The following PKD1L1 variants were observed in gnomAD, a reference collection of about 807,000 sequenced individuals.
PKD1L1 encodes polycystin-1-like protein 1.
PKD1L1 carries 236 observed loss-of-function variants against 323.4 expected under a neutral mutation model. The observed-to-expected ratio is 0.73, with a 90% CI of 0.66 to 0.81. The LOEUF is 0.81. Among genes scored for constraint, PKD1L1 ranks in the 40% least tolerant of loss-of-function variants. The pLI, the probability that PKD1L1 is intolerant of heterozygous loss-of-function variation, is 0.00. For missense variants in PKD1L1, 3,320 were observed against 3,508.0 expected, an observed-to-expected ratio of 0.95 and a Z score of 1.35; for synonymous variants, 1,344 against 1,335.0, an observed-to-expected ratio of 1.01 and a Z score of -0.15.
intron 56 of PKD1L1, among the ~76,000 whole-genome samples, chr7:47,788,875 G>C (rs1786875844): frequency 6.6e-6 from 1 of 152,034 alleles, no homozygotes; most frequent in African/African-American, 2.4e-5. Flanking sequence ...GGGATTTCAG[G>C]TGTAAGCCAC....
At chr7:47,880,686 A>ACTC in intron 21 of PKD1L1, 42 bp downstream of exon 21, 1 of 1,487,388 alleles carries the variant, frequency 6.7e-7, no homozygotes, top group South Asian at 1.2e-5. Flanking sequence ...ACGCAGCAGG[A>ACTC]CTCCTCATCC....
At chr7:47,814,134 G>A (rs2128730333) in intron 47 of PKD1L1, 120 bp from the exon 48 acceptor site, 2 of 710,644 alleles carry the variant, frequency 2.8e-6, no homozygotes, top group East Asian at 5.3e-5. Flanking sequence ...AGAGGTCAGA[G>A]TTTTATTTTC....
intron 56 of PKD1L1, among the ~76,000 whole-genome samples, chr7:47,787,609 A>G (rs1786837944): frequency 6.6e-6 from 1 of 152,224 alleles, no homozygotes; most frequent in African/African-American, 2.4e-5. Flanking sequence ...TTATAAATTT[A>G]AAGTTCTTGC....
intron 34 of PKD1L1, among the ~76,000 whole-genome samples, chr7:47,842,403 T>C (rs997916044): frequency 2.0e-5 from 3 of 151,904 alleles, no homozygotes; most frequent in Non-Finnish European, 4.4e-5. Context: ...GAAGCGTGAG[T>C]TCCAAGGGCA....
At chr7:47,796,441 T>C (rs1017645389) in intron 54 of PKD1L1, among the ~76,000 whole-genome samples, 1 of 152,186 alleles carries the variant, frequency 6.6e-6, no homozygotes, top group Non-Finnish European at 1.5e-5. Flanking sequence ...TGCATGCCCA[T>C]ATGTAAAGTC....
At chr7:47,883,161 A>G (rs542925355) in intron 19 of PKD1L1, among the ~76,000 whole-genome samples, 1 of 152,350 alleles carries the variant, frequency 6.6e-6, no homozygotes, top group Admixed American at 6.5e-5. Flanking sequence ...TACTGTAAAG[A>G]CTTTTAAATG....
At chr7:47,882,216 C>T in intron 19 of PKD1L1, 131 bp from the exon 20 acceptor site, 1 of 960,604 alleles carries the variant, frequency 1.0e-6, no homozygotes, top group Non-Finnish European at 1.6e-6. Context: ...AATATAATGT[C>T]TTCAGCAGCC....
At chr7:47,858,497 A>G (rs903687776) in intron 27 of PKD1L1, among the ~76,000 whole-genome samples, 176 bp downstream of exon 27, 3 of 152,228 alleles carry the variant, frequency 2.0e-5, no homozygotes, top group Non-Finnish European at 4.4e-5. Flanking sequence ...TATTACCATG[A>G]AATACTTAAA....
chr7:47,804,300 A>G (rs1042516174), intron 52 of PKD1L1, among the ~76,000 whole-genome samples: 1 of 152,198 alleles, frequency 6.6e-6, no homozygotes, highest in African/African-American at 2.4e-5. Context: ...AATGCAATGC[A>G]AGCTATGGGT....
At chr7:47,794,508 G>T (rs1787028285) in intron 55 of PKD1L1, among the ~76,000 whole-genome samples, 1 of 152,212 alleles carries the variant, frequency 6.6e-6, no homozygotes, top group African/African-American at 2.4e-5. Flanking sequence ...CCTCAGCCTA[G>T]ATTTCAGAAG....
chr7:47,925,142 G>GA (rs943476261), intron 7 of PKD1L1, among the ~76,000 whole-genome samples: 1 of 151,930 alleles, frequency 6.6e-6, no homozygotes, highest in Non-Finnish European at 1.5e-5. Context: ...AAAAAAAAGG[G>GA]AAAAAATATC....
chr7:47,840,669 T>C lies in PKD1L1; in HGVS notation c.5446-102A>G. On this transcript the variant is annotated intron_variant, in intron 34 of 56. Coordinates refer to ENST00000289672, the MANE Select transcript of PKD1L1 (RefSeq NM_138295.5). The surrounding 1 kb of genome is among the most constrained non-coding windows in gnomAD (Gnocchi z 4.1). Reference sequence around the variant, plus strand: ...GCACTTTCTCCCAGCGTCCCACCCTTCCTCAAAACCATCTGCACGGTGGAG... The same window carrying C: ...GCACTTTCTCCCAGCGTCCCACCCTCCCTCAAAACCATCTGCACGGTGGAG... The C allele has an allele frequency of 1.1e-6, 1 of 884,158 alleles. No individual in the cohort carries two copies. The highest frequency in any genetic ancestry group is 1.5e-5 in the South Asian group (1 of 66,450). 54.8% of individuals were successfully genotyped at this position (884,158 alleles called of 1,614,324 possible). A position where few individuals can be genotyped will look rare whatever the true frequency, so the allele number is the denominator to read the frequency against.
intron 54 of PKD1L1, 102 bp downstream of exon 54, chr7:47,800,547 C>T (rs1784637383): frequency 7.7e-6 from 9 of 1,174,438 alleles, no homozygotes; most frequent in Non-Finnish European, 1.1e-5. Flanking sequence ...TGAGATCTGG[C>T]CTGTGTTGCC....
chr7:47,958,294 C>G, the PKD1L1 span, among the ~76,000 whole-genome samples: 1 of 152,090 alleles, frequency 6.6e-6, no homozygotes, highest in South Asian at 2.1e-4. Context: ...CATTTACAGC[C>G]AACTGATATT....
upstream of PKD1L1, among the ~76,000 whole-genome samples, chr7:47,953,380 T>C (rs1788231754): frequency 8.1e-6 from 1 of 123,934 alleles, no homozygotes; most frequent in East Asian, 2.5e-4. Flanking sequence ...CCACACTGAT[T>C]ATTTGATATA....
chr7:47,842,880 G>A, intron 34 of PKD1L1, 82 bp downstream of exon 34: 2 of 1,319,602 alleles, frequency 1.5e-6, no homozygotes, highest in Non-Finnish European at 2.1e-6. Flanking sequence ...GACAGACGGG[G>A]CAGCCAAATC....
chr7:47,954,190 G>A, the PKD1L1 span, among the ~76,000 whole-genome samples: 1 of 152,206 alleles, frequency 6.6e-6, no homozygotes. Context: ...GAAGAGCCAT[G>A]GAAGTCACCC....
At chr7:47,804,676 CA>C (rs1784740278) in intron 52 of PKD1L1, among the ~76,000 whole-genome samples, 1 of 151,940 alleles carries the variant, frequency 6.6e-6, no homozygotes, top group South Asian at 2.1e-4. Context: ...ATAGAGACAG[CA>C]TTTCACCATG....
intron 24 of PKD1L1, among the ~76,000 whole-genome samples, chr7:47,872,048 A>C (rs535336725): frequency 6.6e-6 from 1 of 152,342 alleles, no homozygotes; most frequent in East Asian, 1.9e-4. Flanking sequence ...GTAAAAAACT[A>C]TTAATACTAA....
Sources: allele counts gnomAD v4.1 joint callset (sites outside exome capture counted in the v4.1 genomes callset), GRCh38; gene constraint gnomAD v4.1.1; non-coding constraint Gnocchi (gnomAD v3.1); transcripts MANE v1.5; gene names NCBI Gene and HGNC (gene_info 2026-07-23, HGNC 2026-07-21).